The following TRDN variants were observed in gnomAD, a reference collection of about 807,000 sequenced individuals.
TRDN encodes the protein triadin in skeletal muscle.
Under a neutral mutation model 149.7 loss-of-function variants are expected in TRDN, and 161 were observed. The ratio of observed to expected loss-of-function variants is 1.08; its 90% CI spans 0.95 to 1.23. The LOEUF is 1.23. Ranked by LOEUF, TRDN falls within the 50% of genes most tolerant of loss-of-function variation. The probability of loss-of-function intolerance (pLI) is 0.00; values close to 1 mark genes in which losing one functional copy is unlikely to be tolerated. For missense variants in TRDN, 896 were observed against 823.5 expected (o/e 1.09, Z -1.08); for synonymous variants, 294 against 250.5 (o/e 1.17, Z -1.64).
intron 9 of TRDN, among the ~76,000 whole-genome samples, chr6:123,472,171 G>A (rs770515975): frequency 3.9e-5 from 6 of 152,168 alleles, no homozygotes; most frequent in Admixed American, 1.3e-4. Flanking sequence ...CTGAGGTACC[G>A]GGTTCATCTC....
chr6:123,325,702 T>G (rs1779423420), intron 23 of TRDN, among the ~76,000 whole-genome samples: 1 of 152,124 alleles, frequency 6.6e-6, no homozygotes, highest in Non-Finnish European at 1.5e-5. Context: ...TGTTAATCAC[T>G]GGACACTGGA....
chr6:123,559,818 A>G (rs549216799), intron 2 of TRDN, among the ~76,000 whole-genome samples: 3 of 152,264 alleles, frequency 2.0e-5, no homozygotes, highest in South Asian at 4.1e-4. Flanking sequence ...TTCCAAACCC[A>G]TATACTCTCC....
chr6:123,350,537 A>G, intron 21 of TRDN: 4 of 676,960 alleles, frequency 5.9e-6, no homozygotes, highest in Non-Finnish European at 7.3e-6. Flanking sequence ...CAAAGTATAC[A>G]AGTCTTAAAG....
intron 24 of TRDN, among the ~76,000 whole-genome samples, chr6:123,298,534 C>T (rs79827176): frequency 6.6e-6 from 1 of 151,972 alleles, no homozygotes; most frequent in Non-Finnish European, 1.5e-5. Flanking sequence ...ATCATTTACT[C>T]ATTTGTCTCC....
Position 123,530,571 on chromosome 6 carries a change from A to G in TRDN, c.425-6T>C. 1 of 1,230,710 alleles carries G rather than the reference A, an allele frequency of 8.1e-7. No individual in the cohort carries two copies. Among genetic ancestry groups the G allele is most frequent in the East Asian group, 3.0e-5 (1 of 32,792 alleles). The allele number at this position is 1,230,710 out of a possible 1,614,324, so 76.2% of individuals were successfully genotyped here. ...AGTCTTATCTTTGTGTATTTCTAAGAAAAAATAGAATTTATAATTTTAAAA... is the reference window on the plus strand; with the variant it reads ...AGTCTTATCTTTGTGTATTTCTAAGGAAAAATAGAATTTATAATTTTAAAA... On this transcript the variant is annotated splice_polypyrimidine_tract_variant and splice_region_variant and intron_variant, in intron 4 of 40. Coordinates refer to ENST00000334268, the MANE Select transcript of TRDN (RefSeq NM_006073.4).
At chr6:123,357,773 GA>G (rs1780739825) in intron 20 of TRDN, among the ~76,000 whole-genome samples, 1 of 152,056 alleles carries the variant, frequency 6.6e-6, no homozygotes, top group African/African-American at 2.4e-5. Context: ...AAATGTCTCA[GA>G]AAACAACTGA....
At chr6:123,455,918 C>T (rs1776093908) in intron 10 of TRDN, among the ~76,000 whole-genome samples, 1 of 152,090 alleles carries the variant, frequency 6.6e-6, no homozygotes, top group African/African-American at 2.4e-5. Context: ...TATTTCATTA[C>T]ATTTAAAATG....
At position 123,492,042 on chromosome 6, in the gene TRDN, C is replaced by A. The variant is rs75956541; in HGVS notation, c.853+5151G>T. Reference sequence around the variant, plus strand: ...AAAGGATCTTAATAAAATGAGAGTACTAACTTATTCCTTGAGGCTCTTTCT... The same window carrying A: ...AAAGGATCTTAATAAAATGAGAGTAATAACTTATTCCTTGAGGCTCTTTCT... On this transcript the variant is annotated intron_variant, in intron 9 of 40. Transcript: ENST00000334268. Among the ~76,000 whole-genome samples the A allele has an allele frequency of 3.4e-3, 519 of 152,228 alleles. 24 individuals carry two copies. The East Asian group carries it at 0.092, about 27-fold the overall frequency.
chr6:123,404,531 C>A (rs1010253781), intron 12 of TRDN, among the ~76,000 whole-genome samples: 6 of 152,130 alleles, frequency 3.9e-5, no homozygotes, highest in African/African-American at 1.4e-4. Flanking sequence ...TAACTGCAAC[C>A]TCCACTTCCC....
At chr6:123,309,769 A>G (rs937166321) in intron 24 of TRDN, among the ~76,000 whole-genome samples, 1 of 152,016 alleles carries the variant, frequency 6.6e-6, no homozygotes, top group Non-Finnish European at 1.5e-5. Flanking sequence ...ATAAAAAAAT[A>G]AAGAGGTATA....
intron 12 of TRDN, among the ~76,000 whole-genome samples, chr6:123,432,722 C>T (rs571187189): frequency 6.6e-6 from 1 of 151,954 alleles, no homozygotes; most frequent in South Asian, 2.1e-4. Flanking sequence ...CCACTGACTG[C>T]CCTTGTGTCT....
chr6:123,220,043 A>T (rs911586868), intron 40 of TRDN, among the ~76,000 whole-genome samples: 3 of 151,946 alleles, frequency 2.0e-5, no homozygotes, highest in African/African-American at 7.2e-5. Context: ...GCTCATGAAT[A>T]TCAGGCTATA....
intron 24 of TRDN, among the ~76,000 whole-genome samples, chr6:123,281,922 G>C (rs542471189): frequency 1.3e-5 from 2 of 152,110 alleles, no homozygotes; most frequent in East Asian, 1.9e-4. Flanking sequence ...AATACATGTG[G>C]AAGTCCAGAC....
chr6:123,612,190 T>C (rs1266677954), intron 1 of TRDN, among the ~76,000 whole-genome samples: 5 of 122,044 alleles, frequency 4.1e-5, no homozygotes. Context: ...GTCACAGGAG[T>C]TCGAGACCAG....
At chr6:123,567,779 C>G (rs927401097) in intron 2 of TRDN, among the ~76,000 whole-genome samples, 4 of 152,168 alleles carry the variant, frequency 2.6e-5, no homozygotes, top group African/African-American at 7.2e-5. Flanking sequence ...AGAGGCCCCA[C>G]GTCGAACACT....
chr6:123,424,315 C>T (rs1021949003), intron 12 of TRDN, among the ~76,000 whole-genome samples: 2 of 152,114 alleles, frequency 1.3e-5, no homozygotes, highest in Non-Finnish European at 2.9e-5. Context: ...CCTACTTCTT[C>T]CACAATGACA....
At chr6:123,483,485 A>C (rs1777855226) in intron 9 of TRDN, among the ~76,000 whole-genome samples, 1 of 152,202 alleles carries the variant, frequency 6.6e-6, no homozygotes, top group African/African-American at 2.4e-5. Context: ...CCAAATAAAT[A>C]GGAAACAATA....
At position 123,331,813 on chromosome 6, in the gene TRDN, G is replaced by T. The variant is rs144217042; in HGVS notation, c.1471+66C>A. Reference sequence around the variant, plus strand: ...TGAAAATGAAATGATTCATTACTTTGTTGCAAATAACTGAATATGCAAAAG... The same window carrying T: ...TGAAAATGAAATGATTCATTACTTTTTTGCAAATAACTGAATATGCAAAAG... On this transcript the variant is annotated intron_variant, in intron 23 of 40. Transcript: ENST00000334268. 1.3e-3 allele frequency: 1,399 copies of T among 1,065,022 alleles called. 23 individuals are homozygous for T. In the East Asian group the frequency reaches 0.035, roughly 26 times the overall value. 66.0% of individuals were successfully genotyped at this position (1,065,022 alleles called of 1,614,324 possible).
chr6:123,517,540 C>A (rs930566890), intron 5 of TRDN, among the ~76,000 whole-genome samples: 1 of 152,048 alleles, frequency 6.6e-6, no homozygotes, highest in Non-Finnish European at 1.5e-5. Context: ...AAATATTTTA[C>A]TGCTCTAGTG....
Sources: gnomAD v4.1 joint callset for allele counts (sites outside exome capture counted in the v4.1 genomes callset) on GRCh38, gnomAD v4.1.1 for gene constraint, MANE v1.5 for transcripts, NCBI Gene and HGNC (gene_info 2026-07-23, HGNC 2026-07-21) for gene names.